THSD7B: variants seen among roughly 807,000 people sequenced by gnomAD.
THSD7B encodes the protein thrombospondin type 1 domain containing 7B, also known as thrombospondin type-1 domain-containing protein 7B.
In THSD7B, 138 loss-of-function variants were observed where a neutral mutation model predicts 213.6. That is an observed-to-expected ratio of 0.65 (90% confidence interval 0.56 to 0.74). THSD7B has a LOEUF of 0.74. Ranked by LOEUF, THSD7B falls within the 30% of genes least tolerant of loss-of-function variation. THSD7B has a pLI of 0.00. For synonymous variants in THSD7B, 742 were observed against 687.0 expected (o/e 1.08, Z -1.25); for missense variants, 1,931 against 1,991.5 (o/e 0.97, Z 0.58).
At chr2:137,167,967 C>T (rs1320003823) in intron 6 of THSD7B, among the ~76,000 whole-genome samples, 1 of 152,192 alleles carries the variant, frequency 6.6e-6, no homozygotes, top group African/African-American at 2.4e-5. Context: ...AAGACTTCTG[C>T]TGATTTTCAC....
At position 137,618,284 on chromosome 2, in the gene THSD7B, G is replaced by A. The variant is rs72983472; in HGVS notation, c.3566-108G>A. 4.9e-6 allele frequency: 4 copies of A among 819,184 alleles called. No homozygotes were observed. In the African/African-American group the frequency reaches 5.2e-5, roughly 11 times the overall value. The allele number at this position is 819,184 out of a possible 1,614,324, so 50.7% of individuals were successfully genotyped here. ...CAAAGCTACCTGGAAATGATTTTAG[G>A]ATTATGTGTGGATTATTCTCCACCA... On this transcript the variant is annotated intron_variant, in intron 18 of 27. Coordinates refer to ENST00000409968, the MANE Select transcript of THSD7B (RefSeq NM_001316349.2).
intron 5 of THSD7B, among the ~76,000 whole-genome samples, chr2:137,118,417 C>A (rs75612290): frequency 0.023 from 3,573 of 152,110 alleles, 67 homozygotes; most frequent in Middle Eastern, 0.054. Flanking sequence ...AGGATATCAA[C>A]AAATATAAAT....
At chr2:136,951,492 G>C (rs1685037804) in intron 2 of THSD7B, among the ~76,000 whole-genome samples, 2 of 152,182 alleles carry the variant, frequency 1.3e-5, no homozygotes, top group Non-Finnish European at 2.9e-5. Flanking sequence ...AGGTCTGGGG[G>C]AAAAATAGCA....
intron 15 of THSD7B, among the ~76,000 whole-genome samples, chr2:137,540,041 G>T (rs1199632528): frequency 6.6e-6 from 1 of 151,592 alleles, no homozygotes; most frequent in Admixed American, 6.6e-5. Flanking sequence ...TACATATAAT[G>T]TCTTATCTAA....
chr2:137,149,831 A>G (rs1001285213), intron 5 of THSD7B, among the ~76,000 whole-genome samples: 4 of 152,220 alleles, frequency 2.6e-5, no homozygotes, highest in African/African-American at 9.6e-5. Context: ...TTATAGGCTT[A>G]TAGGTGGAAG....
At chr2:137,470,626 G>T (rs1023147121) in intron 15 of THSD7B, among the ~76,000 whole-genome samples, 1 of 152,204 alleles carries the variant, frequency 6.6e-6, no homozygotes, top group South Asian at 2.1e-4. Context: ...CCAAACCGTT[G>T]TAAGCTAGTG....
At chr2:137,054,130 T>C (rs920915224) in intron 2 of THSD7B, among the ~76,000 whole-genome samples, 3 of 152,162 alleles carry the variant, frequency 2.0e-5, no homozygotes, top group Non-Finnish European at 4.4e-5. Context: ...ATTACCAGAA[T>C]TGTGGGTGGC....
At chr2:137,098,974 C>G (rs955059464) in intron 4 of THSD7B, among the ~76,000 whole-genome samples, 3 of 152,242 alleles carry the variant, frequency 2.0e-5, no homozygotes, top group Non-Finnish European at 2.9e-5. Context: ...CATTGTATAG[C>G]CTTAAGTTTG....
At chr2:137,307,618 A>G (rs1683786543) in intron 12 of THSD7B, among the ~76,000 whole-genome samples, 1 of 152,106 alleles carries the variant, frequency 6.6e-6, no homozygotes, top group African/African-American at 2.4e-5. Flanking sequence ...ATGTGTCCCT[A>G]AAAAAGCTTT....
chr2:137,457,270 T>G (rs186208010), intron 15 of THSD7B, among the ~76,000 whole-genome samples: 1 of 152,190 alleles, frequency 6.6e-6, no homozygotes, highest in Admixed American at 6.5e-5. Flanking sequence ...CATTTTACTA[T>G]ATTTTTTCAT....
intron 27 of THSD7B, among the ~76,000 whole-genome samples, chr2:137,671,730 A>G (rs1683582948): frequency 6.6e-6 from 1 of 152,296 alleles, no homozygotes; most frequent in South Asian, 2.1e-4. Flanking sequence ...TATAGGGATT[A>G]CAACTCAAGA....
chr2:137,156,705 G>A (rs977672192), intron 5 of THSD7B, among the ~76,000 whole-genome samples: 9 of 152,172 alleles, frequency 5.9e-5, no homozygotes, highest in African/African-American at 1.7e-4. Context: ...GCTTCAGAAC[G>A]TATTTCCCAG....
chr2:136,874,151 C>G (rs2465094), intron 1 of THSD7B, among the ~76,000 whole-genome samples: 132,588 of 152,202 alleles, frequency 0.87, 58,008 homozygotes, highest in Non-Finnish European at 0.91. Context: ...TTGATATTGA[C>G]TTACAACACT....
At chr2:137,488,243 A>G (rs1688509299) in intron 15 of THSD7B, among the ~76,000 whole-genome samples, 1 of 152,274 alleles carries the variant, frequency 6.6e-6, no homozygotes, top group South Asian at 2.1e-4. Context: ...TAACACTTAA[A>G]GTATACTGTA....
chr2:136,836,915 A>G (rs1473235296), intron 1 of THSD7B, among the ~76,000 whole-genome samples: 1 of 152,114 alleles, frequency 6.6e-6, no homozygotes, highest in Non-Finnish European at 1.5e-5. Context: ...ATCTTTACCC[A>G]GTTGCCAGGC....
chr2:137,359,702 C>T (rs142088767), intron 12 of THSD7B, among the ~76,000 whole-genome samples: 83 of 152,202 alleles, frequency 5.5e-4, no homozygotes, highest in East Asian at 9.7e-4. Flanking sequence ...TCCTGGGTAC[C>T]GTGAACTTCT....
intron 2 of THSD7B, among the ~76,000 whole-genome samples, chr2:137,051,990 G>T (rs918647102): frequency 6.6e-5 from 10 of 152,126 alleles, no homozygotes; most frequent in African/African-American, 2.4e-4. Flanking sequence ...GATAAAATTT[G>T]CCTGTGCTTT....
chr2:137,440,819 T>G (rs1687393130), intron 14 of THSD7B, among the ~76,000 whole-genome samples: 2 of 152,116 alleles, frequency 1.3e-5, no homozygotes, highest in South Asian at 4.1e-4. Context: ...GGTCAGAGTT[T>G]CTTTAGGAAC....
chr2:136,910,130 T>C (rs1684232934), intron 2 of THSD7B, among the ~76,000 whole-genome samples: 1 of 152,132 alleles, frequency 6.6e-6, no homozygotes, highest in Non-Finnish European at 1.5e-5. Context: ...TAGTGTGTCC[T>C]CAGTCTATGG....
Sources: gnomAD v4.1 joint callset for allele counts (sites outside exome capture counted in the v4.1 genomes callset) on GRCh38, gnomAD v4.1.1 for gene constraint, MANE v1.5 for transcripts, NCBI Gene and HGNC (gene_info 2026-07-23, HGNC 2026-07-21) for gene names.